Variants in LSAMP observed in about 807,000 individuals in gnomAD.
The protein encoded by LSAMP is limbic system associated membrane protein, also known as limbic system-associated membrane protein.
LSAMP carries 7 observed loss-of-function variants against 38.6 expected under a neutral mutation model. The observed-to-expected ratio is 0.18, with a 90% CI of 0.10 to 0.34. The LOEUF (loss-of-function observed/expected upper bound fraction) is 0.34, where lower values mean the gene tolerates loss of function less well. LSAMP is among the 10% of genes least tolerant of loss of function. The pLI is 1.00. For synonymous variants in LSAMP, 154 were observed against 166.8 expected (o/e 0.92, Z 0.59); for missense variants, 313 against 420.0 (o/e 0.75, Z 2.23).
At chr3:115,982,432 C>A (rs1430614375) in intron 3 of LSAMP, among the ~76,000 whole-genome samples, 2 of 152,120 alleles carry the variant, frequency 1.3e-5, no homozygotes, top group African/African-American at 4.8e-5. Flanking sequence ...GATACAGATT[C>A]TTTATTTAAA....
chr3:116,280,765 A>G (rs1460211854), intron 1 of LSAMP, among the ~76,000 whole-genome samples: 1 of 152,212 alleles, frequency 6.6e-6, no homozygotes, highest in Non-Finnish European at 1.5e-5. Context: ...CATGATTCTC[A>G]GTTTGTTCTT....
At chr3:116,162,643 A>ATT (rs1311625356) in intron 1 of LSAMP, among the ~76,000 whole-genome samples, 3 of 150,182 alleles carry the variant, frequency 2.0e-5, no homozygotes, top group Non-Finnish European at 2.9e-5. Context: ...GTGTGTGTAC[A>ATT]TTATATATAT....
chr3:115,835,739 C>T (rs1056416860), intron 6 of LSAMP, among the ~76,000 whole-genome samples: 20 of 152,194 alleles, frequency 1.3e-4, no homozygotes, highest in African/African-American at 4.8e-4. Context: ...ACTGAGAAAA[C>T]TCAGTCTCCT....
At chr3:116,357,639 A>G (rs1248018571) in intron 1 of LSAMP, among the ~76,000 whole-genome samples, 1 of 152,334 alleles carries the variant, frequency 6.6e-6, no homozygotes, top group African/African-American at 2.4e-5. Context: ...ACACTCCTCA[A>G]AGAGATGATC....
rs1933655196 is a variant in LSAMP, at chr3:115,807,420, A to G, written c.*2897T>C. ...ATATATGTTTAATTATGTTTAATAT[A>G]TGGTCCATTATATTAAAACTGAGGG... is the stretch of plus-strand genomic sequence containing the variant. On this transcript the variant is annotated 3_prime_UTR_variant, in exon 7 of 7. Coordinates refer to ENST00000490035, the MANE Select transcript of LSAMP (RefSeq NM_002338.5). The G allele has an allele frequency of 6.6e-6, 1 of 152,186 alleles. No individual in the cohort carries two copies. The highest frequency in any genetic ancestry group is 1.5e-5 in the Non-Finnish European group (1 of 68,032). 9.4% of individuals were successfully genotyped at this position (152,186 alleles called of 1,614,324 possible). A position where few individuals can be genotyped will look rare whatever the true frequency, so the allele number is the denominator to read the frequency against.
intron 1 of LSAMP, among the ~76,000 whole-genome samples, chr3:116,105,426 C>G (rs1028426130): frequency 6.6e-6 from 1 of 152,132 alleles, no homozygotes; most frequent in Non-Finnish European, 1.5e-5. Flanking sequence ...TTTATTTCAC[C>G]TGGGTGCAGG....
intron 3 of LSAMP, among the ~76,000 whole-genome samples, chr3:115,856,109 A>AATATC (rs1191873435): frequency 6.6e-6 from 1 of 152,242 alleles, no homozygotes; most frequent in Non-Finnish European, 1.5e-5. Flanking sequence ...CCTTACTCAT[A>AATATC]ATATCCTCAT....
intron 3 of LSAMP, among the ~76,000 whole-genome samples, chr3:115,875,498 A>G (rs1013399721): frequency 6.6e-6 from 1 of 152,106 alleles, no homozygotes; most frequent in African/African-American, 2.4e-5. Context: ...CCCAAATATC[A>G]CTATGTGCTA....
At chr3:115,897,766 A>G (rs1195669592) in intron 3 of LSAMP, among the ~76,000 whole-genome samples, 1 of 152,138 alleles carries the variant, frequency 6.6e-6, no homozygotes, top group Non-Finnish European at 1.5e-5. Context: ...CTTTAAAATA[A>G]AAAGATGAGC....
chr3:116,099,618 A>AATG (rs1209121666), intron 1 of LSAMP, among the ~76,000 whole-genome samples: 1 of 152,132 alleles, frequency 6.6e-6, no homozygotes, highest in Non-Finnish European at 1.5e-5. Context: ...CCACTCTTAG[A>AATG]ATGATGGTGA....
intron 3 of LSAMP, among the ~76,000 whole-genome samples, chr3:115,904,310 A>G (rs1049611467): frequency 3.9e-5 from 6 of 152,140 alleles, no homozygotes; most frequent in Admixed American, 2.6e-4. Context: ...AATTTCTAAA[A>G]CAATGTAACT....
At chr3:116,244,935 C>T (rs1348117364) in intron 1 of LSAMP, among the ~76,000 whole-genome samples, 2 of 152,044 alleles carry the variant, frequency 1.3e-5, no homozygotes, top group East Asian at 3.9e-4. Context: ...GTTCAGAGTC[C>T]AGTCTATAAG....
At chr3:116,136,240 T>C (rs1295162852) in intron 1 of LSAMP, among the ~76,000 whole-genome samples, 1 of 152,138 alleles carries the variant, frequency 6.6e-6, no homozygotes, top group Non-Finnish European at 1.5e-5. Context: ...TACAAAGGTA[T>C]TCATTCAGTC....
intron 2 of LSAMP, among the ~76,000 whole-genome samples, chr3:116,053,767 C>T (rs1229159894): frequency 6.6e-6 from 1 of 152,058 alleles, no homozygotes; most frequent in African/African-American, 2.4e-5. Context: ...TAATGTTGAG[C>T]CATTCAAGTC....
intron 1 of LSAMP, among the ~76,000 whole-genome samples, chr3:116,245,532 T>C (rs1250759459): frequency 6.6e-6 from 1 of 152,188 alleles, no homozygotes; most frequent in Admixed American, 6.5e-5. Flanking sequence ...GTCTTTTTCA[T>C]CTACATCCTA....
chr3:115,968,481 C>T (rs186896619), intron 3 of LSAMP, among the ~76,000 whole-genome samples: 30 of 152,276 alleles, frequency 2.0e-4, no homozygotes, highest in Middle Eastern at 6.8e-3. Context: ...TGTGTCTAGA[C>T]ATGTCATCCA....
At chr3:115,931,673 C>T (rs1937583084) in intron 3 of LSAMP, among the ~76,000 whole-genome samples, 1 of 152,162 alleles carries the variant, frequency 6.6e-6, no homozygotes. Flanking sequence ...CATGGAATAT[C>T]TAATATGTAT....
chr3:116,432,758 T>A (rs1451285603), intron 1 of LSAMP, among the ~76,000 whole-genome samples: 3 of 152,096 alleles, frequency 2.0e-5, no homozygotes, highest in Non-Finnish European at 4.4e-5. Flanking sequence ...TTTGCAGAAC[T>A]AAAGGCTAAA....
chr3:116,182,128 G>T (rs963297336), intron 1 of LSAMP, among the ~76,000 whole-genome samples: 3 of 151,806 alleles, frequency 2.0e-5, no homozygotes, highest in Non-Finnish European at 1.5e-5. Context: ...TAAATTAAAA[G>T]GACTAGAAAT....
Sources: allele counts gnomAD v4.1 joint callset (sites outside exome capture counted in the v4.1 genomes callset), GRCh38; gene constraint gnomAD v4.1.1; transcripts MANE v1.5; gene names NCBI Gene and HGNC (gene_info 2026-07-23, HGNC 2026-07-21).